Variants in SAMD12 observed in about 807,000 individuals in gnomAD.
SAMD12 encodes sterile alpha motif domain-containing protein 12.
Under a neutral mutation model 15.0 loss-of-function variants are expected in SAMD12, and 9 were observed. The ratio of observed to expected loss-of-function variants is 0.60; its 90% CI spans 0.36 to 1.05. SAMD12 has a LOEUF of 1.05. Ranked by LOEUF, SAMD12 falls within the 50% of genes least tolerant of loss-of-function variation. The pLI is 0.01. For missense variants in SAMD12, 230 were observed against 234.2 expected (o/e 0.98, Z 0.12); for synonymous variants, 86 against 90.1 (o/e 0.96, Z 0.25).
chr8:118,473,411 A>G lies in SAMD12; in HGVS notation c.193-33450T>C, dbSNP rs79664204. ...TGTTCTGTGCACTCCTTCTAGACTT[A>G]AAAACACGGCACAGTCCCTGATCCT... On this transcript the variant is annotated intron_variant, in intron 2 of 3. Transcript: ENST00000314727. Among the ~76,000 whole-genome samples the G allele has an allele frequency of 3.7e-3, 561 of 152,312 alleles. 2 individuals carry two copies. Among genetic ancestry groups the G allele is most frequent in the African/African-American group, 0.012 (518 of 41,558 alleles).
chr8:118,152,263 A>G, the SAMD12 span, among the ~76,000 whole-genome samples: 39,658 of 152,150 alleles, frequency 0.26, 5,300 homozygotes, highest in Admixed American at 0.31. Context: ...TAGATTCTAC[A>G]TCCCCAGAAC....
At chr8:118,425,950 A>G (rs920159724) in intron 3 of SAMD12, among the ~76,000 whole-genome samples, 7 of 152,078 alleles carry the variant, frequency 4.6e-5, no homozygotes, top group African/African-American at 1.7e-4. Context: ...AGCTTTGAAC[A>G]TTTTCCGGTG....
chr8:118,499,599 T>G (rs1563896251), intron 2 of SAMD12, among the ~76,000 whole-genome samples: 1 of 152,216 alleles, frequency 6.6e-6, no homozygotes, highest in Non-Finnish European at 1.5e-5. Context: ...CTAGAACATA[T>G]GTAGGCTTTC....
intron 3 of SAMD12, among the ~76,000 whole-genome samples, chr8:118,428,727 T>G (rs1822311906): frequency 6.6e-6 from 1 of 152,188 alleles, no homozygotes; most frequent in Non-Finnish European, 1.5e-5. Flanking sequence ...TGGTACAATT[T>G]TTGAAAAACA....
At chr8:118,518,421 T>C (rs971936312) in intron 2 of SAMD12, among the ~76,000 whole-genome samples, 2 of 152,328 alleles carry the variant, frequency 1.3e-5, no homozygotes, top group Admixed American at 6.5e-5. Flanking sequence ...GGGGCCAATA[T>C]TTGTATTTTG....
rs117077938 is a variant in SAMD12, at chr8:118,487,252, T to C, written c.193-47291A>G. Among the ~76,000 whole-genome samples the C allele has an allele frequency of 6.1e-3, 933 of 152,240 alleles. 4 individuals carry two copies. Among genetic ancestry groups the C allele is most frequent in the Non-Finnish European group, 7.7e-3 (525 of 68,008 alleles). The stretch of plus-strand genomic sequence containing the variant: ...GTTGTTTTCCAGCAATTTTATACAA[T>C]TGTGTATTATGTGGCACATAATATA... On this transcript the variant is annotated intron_variant, in intron 2 of 3. Coordinates refer to ENST00000314727, the MANE Select transcript of SAMD12 (RefSeq NM_207506.3).
At chr8:118,428,072 TTTTC>T (rs1229785559) in intron 3 of SAMD12, among the ~76,000 whole-genome samples, 1 of 152,254 alleles carries the variant, frequency 6.6e-6, no homozygotes, top group African/African-American at 2.4e-5. Flanking sequence ...CATTCTTGTA[TTTTC>T]TTTGTGACGT....
At chr8:118,575,056 C>A (rs1441025711) in intron 2 of SAMD12, among the ~76,000 whole-genome samples, 1 of 152,164 alleles carries the variant, frequency 6.6e-6, no homozygotes, top group Admixed American at 6.5e-5. Context: ...ATGGTTCCTG[C>A]TTACTGTCAC....
At chr8:118,292,792 A>G (rs997407167) in intron 4 of SAMD12, among the ~76,000 whole-genome samples, 1 of 151,548 alleles carries the variant, frequency 6.6e-6, no homozygotes, top group Non-Finnish European at 1.5e-5. Flanking sequence ...TCAGTAAACT[A>G]TCGCAAGAAC....
intron 2 of SAMD12, among the ~76,000 whole-genome samples, chr8:118,501,299 A>G (rs1301506661): frequency 6.6e-6 from 1 of 152,230 alleles, no homozygotes; most frequent in African/African-American, 2.4e-5. Context: ...TCTAAAATAT[A>G]TATAAACTCG....
intron 3 of SAMD12, among the ~76,000 whole-genome samples, chr8:118,386,074 T>C (rs1194679025): frequency 6.6e-6 from 1 of 152,220 alleles, no homozygotes; most frequent in Non-Finnish European, 1.5e-5. Flanking sequence ...AGGTGAGGGA[T>C]AATTGAGTCA....
At chr8:118,176,428 G>T in the SAMD12 span, among the ~76,000 whole-genome samples, 1 of 152,150 alleles carries the variant, frequency 6.6e-6, no homozygotes. Context: ...GCTCATCAAT[G>T]GTGGACTGAA....
At chr8:118,430,371 C>CTTTTTT (rs35835490) in intron 3 of SAMD12, among the ~76,000 whole-genome samples, 1 of 146,042 alleles carries the variant, frequency 6.8e-6, no homozygotes. Flanking sequence ...CTGTAATTGC[C>CTTTTTT]TTTTTTTTTT....
At chr8:118,486,239 T>C (rs62531880) in intron 2 of SAMD12, among the ~76,000 whole-genome samples, 10,915 of 150,968 alleles carry the variant, frequency 0.072, 572 homozygotes, top group East Asian at 0.29. Context: ...ACGGTGAAAC[T>C]CCGTCTCTAC....
chr8:118,559,327 C>T (rs956871662), intron 2 of SAMD12, among the ~76,000 whole-genome samples: 3 of 152,162 alleles, frequency 2.0e-5, no homozygotes, highest in Non-Finnish European at 4.4e-5. Context: ...TCTGAGAGTT[C>T]CTATTTTATG....
chr8:118,195,992 G>A (rs1018524480), exon 5 of SAMD12: 1 of 152,218 alleles, frequency 6.6e-6, no homozygotes, highest in South Asian at 2.1e-4. Context: ...CTGACCTGCC[G>A]AAGGGCCAGA....
chr8:118,293,357 T>C (rs1814522338), intron 4 of SAMD12, among the ~76,000 whole-genome samples: 2 of 152,212 alleles, frequency 1.3e-5, no homozygotes, highest in Non-Finnish European at 2.9e-5. Flanking sequence ...TCATGATGAC[T>C]GAAGGGAAAG....
At chr8:118,320,297 C>G (rs555296936) in intron 4 of SAMD12, among the ~76,000 whole-genome samples, 2 of 152,212 alleles carry the variant, frequency 1.3e-5, no homozygotes, top group South Asian at 4.2e-4. Flanking sequence ...ACAGGAAATT[C>G]ACATGGACGA....
intron 2 of SAMD12, among the ~76,000 whole-genome samples, chr8:118,494,199 G>A (rs894301153): frequency 3.9e-5 from 6 of 152,192 alleles, no homozygotes; most frequent in African/African-American, 1.4e-4. Flanking sequence ...GTGTCCTTCA[G>A]CAGCTGGAAG....
Sources: allele counts gnomAD v4.1 joint callset (sites outside exome capture counted in the v4.1 genomes callset), GRCh38; gene constraint gnomAD v4.1.1; transcripts MANE v1.5; gene names NCBI Gene and HGNC (gene_info 2026-07-23, HGNC 2026-07-21).